IL1RAP: variants seen among roughly 807,000 people sequenced by gnomAD.
IL1RAP encodes the protein interleukin-1 receptor accessory protein.
A neutral mutation model predicts 60.7 loss-of-function variants in IL1RAP; 35 were observed. The ratio of observed to expected loss-of-function variants is 0.58; its 90% CI spans 0.44 to 0.76. The LOEUF is 0.76. IL1RAP is among the 30% of genes least tolerant of loss of function. The probability of loss-of-function intolerance (pLI) is 0.00; values close to 1 mark genes in which losing one functional copy is unlikely to be tolerated. For missense variants in IL1RAP, 572 were observed against 693.9 expected, an observed-to-expected ratio of 0.82 and a Z score of 1.97; for synonymous variants, 268 against 250.9, an observed-to-expected ratio of 1.07 and a Z score of -0.64.
chr3:190,554,952 A>C (rs1019419970), intron 1 of IL1RAP, among the ~76,000 whole-genome samples: 1 of 152,230 alleles, frequency 6.6e-6, no homozygotes, highest in African/African-American at 2.4e-5. Context: ...GAAATCTATG[A>C]AAACTCAGCC....
intron 9 of IL1RAP, among the ~76,000 whole-genome samples, chr3:190,640,023 G>A (rs1232719250): frequency 2.0e-5 from 3 of 152,128 alleles, no homozygotes; most frequent in Admixed American, 6.5e-5. Flanking sequence ...AATATGTGTA[G>A]CTTTGTATTT....
intron 1 of IL1RAP, among the ~76,000 whole-genome samples, chr3:190,536,652 T>C (rs1232887049): frequency 3.3e-5 from 5 of 152,186 alleles, no homozygotes; most frequent in Non-Finnish European, 2.9e-5. Context: ...TATCATAAGC[T>C]AGACAATGTA....
intron 3 of IL1RAP, among the ~76,000 whole-genome samples, chr3:190,587,521 CTA>C (rs1490041143): frequency 2.6e-5 from 4 of 152,164 alleles, no homozygotes; most frequent in Non-Finnish European, 5.9e-5. Context: ...TCTTCTGACC[CTA>C]TGTCTTTGTT....
chr3:190,645,427 T>C (rs1398327790), intron 10 of IL1RAP, among the ~76,000 whole-genome samples: 1 of 152,222 alleles, frequency 6.6e-6, no homozygotes, highest in Non-Finnish European at 1.5e-5. Flanking sequence ...ATTTACCTTC[T>C]GGCTTTGTTA....
intron 3 of IL1RAP, among the ~76,000 whole-genome samples, chr3:190,573,722 A>G (rs767132870): frequency 3.3e-5 from 5 of 152,196 alleles, no homozygotes; most frequent in Non-Finnish European, 7.3e-5. Context: ...ATTTTACAGT[A>G]TTGGGTTTTT....
intron 1 of IL1RAP, among the ~76,000 whole-genome samples, chr3:190,524,448 C>G (rs958767009): frequency 6.6e-6 from 1 of 152,100 alleles, no homozygotes; most frequent in Non-Finnish European, 1.5e-5. Flanking sequence ...CAGAATGGCA[C>G]TGCCTAGGTT....
At position 190,514,097 on chromosome 3, in the gene IL1RAP, A is replaced by C. The variant is rs1442637333; in HGVS notation, c.-211A>C. 6.6e-6 allele frequency: 1 copy of C among 152,352 alleles called. No individual in the cohort carries two copies. The highest frequency in any genetic ancestry group is 1.5e-5 in the Non-Finnish European group (1 of 68,180). 9.4% of individuals were successfully genotyped at this position (152,352 alleles called of 1,614,324 possible). ...GCGGAAAGTAAGAGGCTCACTGGGG[A>C]AGACTGCCGGGATCCAGGTCTCCGG... On this transcript the variant is annotated 5_prime_UTR_variant, in exon 1 of 12. Transcript: ENST00000447382.
chr3:190,629,667 T>C (rs764474487), intron 9 of IL1RAP, 169 bp downstream of exon 9: 2 of 1,352,332 alleles, frequency 1.5e-6, no homozygotes, highest in Non-Finnish European at 1.9e-6. Flanking sequence ...TTCATCTATG[T>C]AAGATACTCA....
intron 1 of IL1RAP, among the ~76,000 whole-genome samples, chr3:190,522,822 C>T (rs1722205317): frequency 6.6e-6 from 1 of 152,102 alleles, no homozygotes; most frequent in Non-Finnish European, 1.5e-5. Context: ...TGGATACCTT[C>T]TGAAATGAGC....
chr3:190,562,694 C>CCACACACA (rs56393536), intron 2 of IL1RAP, among the ~76,000 whole-genome samples: 12 of 146,542 alleles, frequency 8.2e-5, no homozygotes, highest in East Asian at 4.0e-4. Flanking sequence ...CATATCTCGT[C>CCACACACA]CACACACACA....
chr3:190,627,385 G>T lies in IL1RAP; in HGVS notation c.838G>T (p.Val280Phe). ...FSFLMDSRNE[V>F]WWTIDGKKPD... Reference sequence around the variant, plus strand: ...TTTTCTGATGGATTCTCGCAATGAGGTTTGGTGGACCATTGATGGAAAAAA... The same window carrying T: ...TTTTCTGATGGATTCTCGCAATGAGTTTTGGTGGACCATTGATGGAAAAAA... Residue 280 changes from valine (V) to phenylalanine (F), a missense_variant, in exon 8 of 12, where the codon GTT becomes TTT. Val to Phe is a conservative substitution (Grantham distance 50). Coordinates refer to ENST00000447382, the MANE Select transcript of IL1RAP (RefSeq NM_002182.4). 6.2e-7 allele frequency: 1 copy of T among 1,613,320 alleles called. No homozygotes were observed. The highest frequency in any genetic ancestry group is 8.5e-7 in the Non-Finnish European group (1 of 1,179,814).
chr3:190,652,717 T>G (rs530419045), downstream of IL1RAP, among the ~76,000 whole-genome samples: 1 of 152,346 alleles, frequency 6.6e-6, no homozygotes, highest in African/African-American at 2.4e-5. Flanking sequence ...ACCAGAGGTA[T>G]ATAAGCATTT....
chr3:190,583,900 C>T (rs1300182956), intron 3 of IL1RAP, among the ~76,000 whole-genome samples: 1 of 152,134 alleles, frequency 6.6e-6, no homozygotes, highest in Non-Finnish European at 1.5e-5. Flanking sequence ...TTTTTATTCA[C>T]TCTTATTTAC....
intron 7 of IL1RAP, chr3:190,624,932 A>T: frequency 5.7e-6 from 1 of 174,814 alleles, no homozygotes. Flanking sequence ...CAGGCGGGTC[A>T]AGTGGCAGTA....
intron 1 of IL1RAP, among the ~76,000 whole-genome samples, chr3:190,525,553 G>A (rs1722436306): frequency 6.6e-6 from 1 of 152,216 alleles, no homozygotes; most frequent in Non-Finnish European, 1.5e-5. Flanking sequence ...GCCTTGAACA[G>A]AGAGTGAAGG....
At chr3:190,586,687 T>C (rs1191632691) in intron 3 of IL1RAP, among the ~76,000 whole-genome samples, 2 of 152,232 alleles carry the variant, frequency 1.3e-5, no homozygotes, top group African/African-American at 4.8e-5. Flanking sequence ...TGCCTGACTA[T>C]ACTTAATAAG....
intron 1 of IL1RAP, among the ~76,000 whole-genome samples, chr3:190,516,697 T>C (rs1450056606): frequency 1.3e-5 from 2 of 151,442 alleles, no homozygotes; most frequent in Non-Finnish European, 2.9e-5. Context: ...TATTTAATCA[T>C]TTGAAGTTTC....
At chr3:190,579,496 C>A (rs975072044) in intron 3 of IL1RAP, among the ~76,000 whole-genome samples, 6 of 152,078 alleles carry the variant, frequency 3.9e-5, no homozygotes, top group Non-Finnish European at 7.4e-5. Flanking sequence ...GAAGTAGAAC[C>A]AGGACTCAAG....
intron 4 of IL1RAP, 114 bp from the exon 5 acceptor site, chr3:190,608,881 A>T (rs1162502513): frequency 1.4e-6 from 1 of 709,790 alleles, no homozygotes; most frequent in Non-Finnish European, 2.3e-6. Context: ...ATGAACTTAC[A>T]TGTATAAATG....
Sources: gnomAD v4.1 joint callset for allele counts (sites outside exome capture counted in the v4.1 genomes callset) on GRCh38, gnomAD v4.1.1 for gene constraint, MANE v1.5 for transcripts, NCBI Gene and HGNC (gene_info 2026-07-23, HGNC 2026-07-21) for gene names.